The following VWF variants were observed in gnomAD, a reference collection of about 807,000 sequenced individuals.
VWF encodes the protein von Willebrand factor.
A neutral mutation model predicts 308.6 loss-of-function variants in VWF; 176 were observed. The observed-to-expected ratio is 0.57, with a 90% CI of 0.50 to 0.65. VWF has a LOEUF of 0.65. Among genes scored for constraint, VWF ranks in the 30% least tolerant of loss-of-function variants. The probability of loss-of-function intolerance (pLI) is 0.00; values close to 1 mark genes in which losing one functional copy is unlikely to be tolerated. For missense variants in VWF, 3,146 were observed against 3,648.2 expected, an observed-to-expected ratio of 0.86 and a Z score of 3.55; for synonymous variants, 1,385 against 1,443.4, an observed-to-expected ratio of 0.96 and a Z score of 0.92.
Position 6,044,364 on chromosome 12 carries a change from T to C in VWF, c.2369A>G (p.Lys790Arg). 1 of 1,614,142 alleles carries C rather than the reference T, an allele frequency of 6.2e-7. No individual in the cohort carries two copies. The highest frequency in any genetic ancestry group is 8.5e-7 in the Non-Finnish European group (1 of 1,180,010). ...CTCCAGGTCATAGTTCTGGCACGTT[T>C]TGGTACACTCGAGCCCTTCAGCCCG... ...NLRAEGLECT[K>R]TCQNYDLECM... Residue 790 changes from lysine (K) to arginine (R), a missense_variant, in exon 18 of 52, where the codon AAA becomes AGA. Physicochemically the swap from Lys to Arg is conservative, Grantham distance 26. This residue lies in a region of VWF where 1,304 missense variants were observed against 1,353.0 expected (regional missense o/e 0.96). Transcript: ENST00000261405.
chr12:5,949,977 C>T (rs1943164299), intron 50 of VWF, 94 bp from the exon 51 acceptor site: 8 of 1,136,806 alleles, frequency 7.0e-6, no homozygotes, highest in Non-Finnish European at 9.2e-6. Flanking sequence ...GGAAATAGGT[C>T]CCTTTCACAG....
intron 40 of VWF, 85 bp downstream of exon 40, chr12:5,984,958 AAC>A (rs57154953): frequency 0.14 from 199,387 of 1,428,966 alleles, 15,306 homozygotes; most frequent in African/African-American, 0.16. Context: ...TGTGCCTGAG[AAC>A]AGAGACACCT....
chr12:6,054,164 A>G (rs1250811832), intron 15 of VWF, among the ~76,000 whole-genome samples: 1 of 152,222 alleles, frequency 6.6e-6, no homozygotes, highest in African/African-American at 2.4e-5. Flanking sequence ...CGTGAGCCTG[A>G]ACAATGGAGT....
rs1441119158 is a variant in VWF at position 6,019,712 on chromosome 12, C to T, written c.3706G>A (p.Ala1236Thr). The part of the protein sequence containing the change: ...HCDVVNLTCE[A>T]CQEPGGLVVP... ...ACCAGGCCTCCCGGCTCCTGGCAGG[C>T]TTCACAGGTGAGGTTGACAACATCA... Residue 1236 changes from alanine (A) to threonine (T), a missense_variant, in exon 28 of 52, where the codon GCC (alanine) becomes ACC (threonine). This residue lies in a region of VWF where 853 missense variants were observed against 1,177.8 expected (regional missense o/e 0.72). Coordinates refer to ENST00000261405, the MANE Select transcript of VWF (RefSeq NM_000552.5). The surrounding 1 kb of genome is among the most constrained non-coding windows in gnomAD (Gnocchi z 5.8). 1.2e-6 allele frequency: 2 copies of T among 1,613,514 alleles called. No homozygotes were observed. The highest frequency in any genetic ancestry group is 1.7e-6 in the Non-Finnish European group (2 of 1,179,732).
intron 19 of VWF, among the ~76,000 whole-genome samples, chr12:6,035,748 A>T (rs939543115): frequency 6.6e-6 from 1 of 152,190 alleles, no homozygotes; most frequent in Non-Finnish European, 1.5e-5. Flanking sequence ...TGGTGGGGCG[A>T]GGTCCCTGTC....
intron 16 of VWF, among the ~76,000 whole-genome samples, chr12:6,051,039 C>CTACAGTTAA (rs75336349): frequency 6.6e-6 from 1 of 151,490 alleles, no homozygotes; most frequent in Non-Finnish European, 1.5e-5. Context: ...AATAATGGTA[C>CTACAGTTAA]CTTTACTTTT....
chr12:6,027,363 C>A (rs1457351266), intron 22 of VWF, among the ~76,000 whole-genome samples: 1 of 152,220 alleles, frequency 6.6e-6, no homozygotes. Context: ...TCTGCTCTTA[C>A]ATCCCCTCTT....
chr12:5,948,956 C>A lies in VWF; in HGVS notation c.*59G>T. 6.4e-7 allele frequency: 1 copy of A among 1,566,056 alleles called. No individual in the cohort carries two copies. Among genetic ancestry groups the A allele is most frequent in the South Asian group, 1.2e-5 (1 of 86,592 alleles). ...GAACATGCAGAGGACTGGCAGCACT[C>A]TGGCCTGGCCATCAGGCCAAGGCAG... On this transcript the variant is annotated 3_prime_UTR_variant, in exon 52 of 52. Transcript: ENST00000261405. The surrounding 1 kb of genome is among the most constrained non-coding windows in gnomAD (Gnocchi z 4.4).
chr12:6,055,176 G>C (rs60528468), intron 15 of VWF, among the ~76,000 whole-genome samples: 1,911 of 152,308 alleles, frequency 0.013, 39 homozygotes, highest in African/African-American at 0.044. Flanking sequence ...AAGAATGGCT[G>C]TTCATGACAG....
rs1944690844 is a variant in VWF at position 6,064,530 on chromosome 12, C to T, written c.1294-146G>A. 7 of 1,320,902 alleles carry T rather than the reference C, an allele frequency of 5.3e-6. No individual in the cohort carries two copies. The East Asian group carries it at 1.8e-4, about 33-fold the overall frequency. The allele number at this position is 1,320,902 out of a possible 1,614,324, so 81.8% of individuals were successfully genotyped here. A position where few individuals can be genotyped will look rare whatever the true frequency, so the allele number is the denominator to read the frequency against. ...ACAACTCCATTCTCCCAGAATACTC[C>T]ATGTGAATGGGGCCCCCTAGAGTTG... On this transcript the variant is annotated intron_variant, in intron 11 of 51. Coordinates refer to ENST00000261405, the MANE Select transcript of VWF (RefSeq NM_000552.5).
At chr12:6,013,722 C>G (rs1944023789) in intron 31 of VWF, 77 bp from the exon 32 acceptor site, 6 of 1,521,942 alleles carry the variant, frequency 3.9e-6, no homozygotes, top group Non-Finnish European at 5.4e-6. Context: ...TTATATCCAG[C>G]ATCTGAATAC....
rs1016532300 is a variant in VWF, at chr12:6,020,737, G to A, written c.3675-994C>T. Among the ~76,000 whole-genome samples, 13 of 152,224 alleles carry A rather than the reference G, an allele frequency of 8.5e-5. No homozygotes were observed. The highest frequency in any genetic ancestry group is 3.9e-4 in the East Asian group (2 of 5,192). ...GCACTCCCAGTAAAGCTGACAAGGC[G>A]GCAGCGCCCTGAGCCTGGGAAGTGT... On this transcript the variant is annotated intron_variant, in intron 27 of 51. Coordinates refer to ENST00000261405, the MANE Select transcript of VWF (RefSeq NM_000552.5). This position sits in a 1 kb window ranked among gnomAD's most constrained non-coding sequence, Gnocchi z 4.3.
Position 5,981,997 on chromosome 12 carries a change from G to A in VWF, c.7082-6C>T. 6.2e-7 allele frequency: 1 copy of A among 1,613,120 alleles called. No individual in the cohort carries two copies. Among genetic ancestry groups the A allele is most frequent in the Non-Finnish European group, 8.5e-7 (1 of 1,179,870 alleles). The stretch of plus-strand genomic sequence containing the variant: ...GCACTCCTCCTTCCTGCAGGCTGAG[G>A]GTAGGACAAGGCCACACTGAGCACT... On this transcript the variant is annotated splice_region_variant and splice_polypyrimidine_tract_variant and intron_variant, in intron 41 of 51. Transcript: ENST00000261405.
chr12:5,963,618 AC>A (rs985150978), intron 47 of VWF, among the ~76,000 whole-genome samples: 2 of 152,162 alleles, frequency 1.3e-5, no homozygotes, highest in African/African-American at 2.4e-5. Flanking sequence ...TCTGGCCCCT[AC>A]TTGGCACCCC....
intron 3 of VWF, among the ~76,000 whole-genome samples, chr12:6,117,434 C>T (rs545399319): frequency 6.6e-6 from 1 of 152,350 alleles, no homozygotes; most frequent in South Asian, 2.1e-4. Flanking sequence ...CCAGCAGCCC[C>T]TGTCTCTGCA....
chr12:6,066,952 C>T (rs555174580), intron 10 of VWF, among the ~76,000 whole-genome samples: 1 of 152,322 alleles, frequency 6.6e-6, no homozygotes, highest in East Asian at 1.9e-4. Context: ...TCTGCCTGGT[C>T]CCCAGGACAG....
chr12:5,960,124 C>A (rs1318543770), intron 47 of VWF, among the ~76,000 whole-genome samples: 1 of 148,796 alleles, frequency 6.7e-6, no homozygotes, highest in Non-Finnish European at 1.5e-5. Context: ...AAATCTCTAG[C>A]TAGATTAATC....
chr12:5,989,654 G>C (rs1943716172), intron 38 of VWF, among the ~76,000 whole-genome samples: 1 of 152,198 alleles, frequency 6.6e-6, no homozygotes. Context: ...TTGGACTGAA[G>C]ATGAGGCGGG....
Position 5,995,975 on chromosome 12 carries a change from C to T in VWF, c.6063+27G>A, listed in dbSNP as rs369440999. On this transcript the variant is annotated intron_variant, in intron 35 of 51. Coordinates refer to ENST00000261405, the MANE Select transcript of VWF (RefSeq NM_000552.5). ...TTTTCCTGACATTCTATTGCCTTAC[C>T]ACGGATCCACAGAAAGTACTTCTCA... is the stretch of plus-strand genomic sequence containing the variant. 31 of 1,607,102 alleles carry T rather than the reference C, an allele frequency of 1.9e-5. No homozygotes were observed. The African/African-American group carries it at 3.1e-4, about 16-fold the overall frequency.
Sources: allele counts gnomAD v4.1 joint callset (sites outside exome capture counted in the v4.1 genomes callset), GRCh38; gene constraint gnomAD v4.1.1; regional missense constraint gnomAD v4.1.1; non-coding constraint Gnocchi (gnomAD v3.1); transcripts MANE v1.5; gene names NCBI Gene and HGNC (gene_info 2026-07-23, HGNC 2026-07-21).